LINGO2: variants seen among roughly 807,000 people sequenced by gnomAD.
LINGO2 encodes the protein leucine rich repeat and Ig domain containing 2.
A neutral mutation model predicts 30.6 loss-of-function variants in LINGO2; 14 were observed. The ratio of observed to expected loss-of-function variants is 0.46; its 90% confidence interval spans 0.30 to 0.72. The LOEUF (loss-of-function observed/expected upper bound fraction) is 0.72, where lower values mean the gene tolerates loss of function less well. LINGO2 is among the 30% of genes least tolerant of loss of function. The probability of loss-of-function intolerance (pLI) is 0.07; values close to 1 mark genes in which losing one functional copy is unlikely to be tolerated. For missense variants in LINGO2, 729 were observed against 751.7 expected, an observed-to-expected ratio of 0.97 and a Z score of 0.35; for synonymous variants, 317 against 288.5, an observed-to-expected ratio of 1.10 and a Z score of -1.00.
intron 1 of LINGO2, among the ~76,000 whole-genome samples, chr9:28,525,116 A>G (rs924060990): frequency 2.0e-5 from 3 of 152,212 alleles, no homozygotes; most frequent in Non-Finnish European, 4.4e-5. Flanking sequence ...AATACTCGAC[A>G]TCACTAGTCA....
chr9:28,685,977 ATGTGTGTGTGTGTG>A, the LINGO2 span, among the ~76,000 whole-genome samples: 3 of 145,584 alleles, frequency 2.1e-5, no homozygotes, highest in East Asian at 6.1e-4. Flanking sequence ...AACATATATG[ATGTGTGTGTGTGTG>A]TGTGTGTGTG....
rs112473227 is a variant in LINGO2, at chr9:28,159,604, G to T, written c.-87+135604C>A. Reference sequence around the variant, plus strand: ...GCTTTACAACCCAGTTTTCTGATACGAAATTTTCTTGAATTTCATACTGAA... The same window carrying T: ...GCTTTACAACCCAGTTTTCTGATACTAAATTTTCTTGAATTTCATACTGAA... On this transcript the variant is annotated intron_variant, in intron 4 of 5. Transcript: ENST00000379992. 8.3e-4 allele frequency among the ~76,000 whole-genome samples: 124 copies of T among 149,200 alleles called. 1 individual carries two copies. Among genetic ancestry groups the T allele is most frequent in the African/African-American group, 2.8e-3 (114 of 40,462 alleles).
the LINGO2 span, among the ~76,000 whole-genome samples, chr9:29,179,747 C>T: frequency 5.7e-4 from 86 of 152,052 alleles, no homozygotes; most frequent in African/African-American, 1.9e-3. Flanking sequence ...CTATTAATTC[C>T]CTAATATATA....
the LINGO2 span, among the ~76,000 whole-genome samples, chr9:28,697,382 T>C: frequency 6.6e-6 from 1 of 152,022 alleles, no homozygotes; most frequent in Admixed American, 6.6e-5. Flanking sequence ...GAAAATGGAA[T>C]TTCACTTTAC....
At chr9:28,384,091 C>A (rs1489459867) in intron 2 of LINGO2, among the ~76,000 whole-genome samples, 1 of 151,722 alleles carries the variant, frequency 6.6e-6, no homozygotes, top group African/African-American at 2.4e-5. Context: ...ATAAATATTA[C>A]TATATTACTG....
At chr9:28,513,890 T>C (rs1820515529) in intron 1 of LINGO2, among the ~76,000 whole-genome samples, 1 of 152,226 alleles carries the variant, frequency 6.6e-6, no homozygotes, top group Admixed American at 6.5e-5. Context: ...AGGTATTGCA[T>C]TTTCACAAAT....
chr9:28,731,866 T>A, the LINGO2 span, among the ~76,000 whole-genome samples: 4 of 152,078 alleles, frequency 2.6e-5, no homozygotes, highest in Non-Finnish European at 5.9e-5. Flanking sequence ...GTACATGACA[T>A]CTCTATACTA....
the LINGO2 span, among the ~76,000 whole-genome samples, chr9:29,169,206 C>T: frequency 1.1e-4 from 16 of 152,106 alleles, no homozygotes; most frequent in Admixed American, 6.6e-5. Context: ...CCTTGGCCTC[C>T]CAAAGTGCTA....
At chr9:28,923,291 C>A in the LINGO2 span, among the ~76,000 whole-genome samples, 1 of 152,156 alleles carries the variant, frequency 6.6e-6, no homozygotes, top group Non-Finnish European at 1.5e-5. Flanking sequence ...AATGAGTACT[C>A]AAGTCAGCTC....
chr9:28,866,062 A>C, the LINGO2 span, among the ~76,000 whole-genome samples: 6 of 152,078 alleles, frequency 3.9e-5, no homozygotes, highest in Non-Finnish European at 5.9e-5. Context: ...ACTTCATGCA[A>C]GTCCCTCTTT....
At chr9:29,078,108 A>G in the LINGO2 span, among the ~76,000 whole-genome samples, 19 of 152,098 alleles carry the variant, frequency 1.2e-4, no homozygotes, top group Non-Finnish European at 2.6e-4. Context: ...ATTAATTTTG[A>G]TAGGAATAAA....
At chr9:28,476,595 T>C (rs1201382971) in intron 1 of LINGO2, among the ~76,000 whole-genome samples, 2 of 152,300 alleles carry the variant, frequency 1.3e-5, no homozygotes, top group Admixed American at 6.5e-5. Context: ...TTTTATTAAA[T>C]AGATGAATAA....
At chr9:28,429,049 C>CT (rs1436076761) in intron 2 of LINGO2, among the ~76,000 whole-genome samples, 5 of 152,246 alleles carry the variant, frequency 3.3e-5, no homozygotes, top group Admixed American at 6.5e-5. Flanking sequence ...TACTTACATA[C>CT]TTTTTTGACA....
At chr9:28,266,092 C>T in intron 4 of LINGO2, among the ~76,000 whole-genome samples, 1 of 151,882 alleles carries the variant, frequency 6.6e-6, no homozygotes, top group East Asian at 1.9e-4. Flanking sequence ...ACTAAGTATG[C>T]CTTTTCTTTA....
chr9:28,417,668 C>T (rs1823019873), intron 2 of LINGO2, among the ~76,000 whole-genome samples: 1 of 152,136 alleles, frequency 6.6e-6, no homozygotes, highest in South Asian at 2.1e-4. Context: ...GAAGACATCC[C>T]TAACAAAATG....
In LINGO2 at chr9:28,154,186, G is replaced by A. The variant is rs1349307353; in HGVS notation, c.-87+141022C>T. On this transcript the variant is annotated intron_variant, in intron 4 of 5. Transcript: ENST00000379992. ...GAGGTAAAGGAAGTGGGTTGGATGA[G>A]GGAATCCACATTTCTATCAAAGACA... 3.3e-5 allele frequency among the ~76,000 whole-genome samples: 5 copies of A among 152,232 alleles called. No homozygotes were observed. The East Asian group carries it at 7.7e-4, about 24-fold the overall frequency.
chr9:28,107,112 A>G (rs895835065), intron 4 of LINGO2, among the ~76,000 whole-genome samples: 5 of 152,044 alleles, frequency 3.3e-5, no homozygotes, highest in African/African-American at 1.2e-4. Flanking sequence ...TTGTCTTCCC[A>G]ATGCTGCCTT....
At chr9:28,700,156 C>A in the LINGO2 span, among the ~76,000 whole-genome samples, 23 of 151,900 alleles carry the variant, frequency 1.5e-4, no homozygotes, top group Non-Finnish European at 3.2e-4. Flanking sequence ...AGTGATGTCA[C>A]CCCTGGAAGG....
intron 3 of LINGO2, among the ~76,000 whole-genome samples, chr9:28,350,854 A>C (rs1216242784): frequency 6.6e-6 from 1 of 151,896 alleles, no homozygotes; most frequent in Non-Finnish European, 1.5e-5. Flanking sequence ...CTCACTCAAA[A>C]CCGCTCAAAT....
Sources: gnomAD v4.1 joint callset for allele counts (sites outside exome capture counted in the v4.1 genomes callset) on GRCh38, gnomAD v4.1.1 for gene constraint, MANE v1.5 for transcripts, NCBI Gene and HGNC (gene_info 2026-07-23, HGNC 2026-07-21) for gene names.